The following NR3C2 variants were observed in gnomAD, a reference collection of about 807,000 sequenced individuals.
The protein encoded by NR3C2 is nuclear receptor subfamily 3 group C member 2.
A neutral mutation model predicts 86.4 loss-of-function variants in NR3C2; 15 were observed. That is an observed-to-expected ratio of 0.17 (90% CI 0.12 to 0.27). NR3C2 has a LOEUF of 0.27. Among genes scored for constraint, NR3C2 ranks in the 10% least tolerant of loss-of-function variants. The pLI is 1.00. For synonymous variants in NR3C2, 458 were observed against 450.5 expected (o/e 1.02, Z -0.21); for missense variants, 960 against 1,195.6 (o/e 0.80, Z 2.91).
chr4:148,088,224 G>A (rs1730904800), intron 8 of NR3C2, among the ~76,000 whole-genome samples: 1 of 152,182 alleles, frequency 6.6e-6, no homozygotes, highest in Non-Finnish European at 1.5e-5. Flanking sequence ...AACAGATGCT[G>A]GAAAGGATAT....
intron 4 of NR3C2, among the ~76,000 whole-genome samples, chr4:148,190,939 T>C (rs1156494042): frequency 1.3e-5 from 2 of 152,214 alleles, no homozygotes; most frequent in Non-Finnish European, 2.9e-5. Flanking sequence ...CGGTTCTGTA[T>C]CTTTTAAGTG....
intron 2 of NR3C2, among the ~76,000 whole-genome samples, chr4:148,288,829 C>T (rs1415445534): frequency 2.0e-5 from 3 of 152,114 alleles, no homozygotes; most frequent in Non-Finnish European, 4.4e-5. Context: ...TCTATTTTAT[C>T]AGTGTTATGC....
intron 2 of NR3C2, among the ~76,000 whole-genome samples, chr4:148,292,150 C>T (rs564459728): frequency 3.3e-5 from 5 of 151,338 alleles, no homozygotes; most frequent in Non-Finnish European, 7.4e-5. Flanking sequence ...AAAATACTTT[C>T]CTATTATGTC....
intron 5 of NR3C2, 75 bp downstream of exon 5, chr4:148,154,476 G>T: frequency 1.5e-6 from 2 of 1,348,712 alleles, no homozygotes; most frequent in Non-Finnish European, 2.1e-6. Context: ...CTCCTGCATG[G>T]TTGGAGATGG....
At chr4:148,172,387 C>T (rs932940410) in intron 4 of NR3C2, among the ~76,000 whole-genome samples, 5 of 152,102 alleles carry the variant, frequency 3.3e-5, no homozygotes, top group African/African-American at 1.2e-4. Context: ...ATAAGCCTTT[C>T]CTGCAGTATA....
At chr4:148,291,815 C>G (rs1201004505) in intron 2 of NR3C2, among the ~76,000 whole-genome samples, 2 of 152,120 alleles carry the variant, frequency 1.3e-5, no homozygotes, top group East Asian at 1.9e-4. Flanking sequence ...ACACTGTAAA[C>G]TGAAAGTGCA....
chr4:148,319,939 C>T (rs7678425), intron 2 of NR3C2, among the ~76,000 whole-genome samples: 8,642 of 144,298 alleles, frequency 0.06, 361 homozygotes, highest in African/African-American at 0.12. Flanking sequence ...TGAGAGAGGG[C>T]ATCCCTGTCT....
chr4:148,285,097 A>G (rs764425719), intron 2 of NR3C2, among the ~76,000 whole-genome samples: 3 of 152,204 alleles, frequency 2.0e-5, no homozygotes, highest in Non-Finnish European at 4.4e-5. Flanking sequence ...TGTGAGCTGC[A>G]GTTCTGAGGG....
chr4:148,258,770 T>C (rs994798139), intron 3 of NR3C2, among the ~76,000 whole-genome samples: 1 of 152,224 alleles, frequency 6.6e-6, no homozygotes, highest in Non-Finnish European at 1.5e-5. Context: ...CTTAAGACCA[T>C]GGCTTGCCTG....
intron 8 of NR3C2, among the ~76,000 whole-genome samples, chr4:148,097,121 G>C (rs1041302230): frequency 2.7e-4 from 41 of 152,232 alleles, no homozygotes; most frequent in African/African-American, 9.6e-4. Flanking sequence ...CTAGCCTTTA[G>C]GAAACGCCTT....
At chr4:148,403,564 T>G (rs1748271002) in intron 2 of NR3C2, among the ~76,000 whole-genome samples, 1 of 152,098 alleles carries the variant, frequency 6.6e-6, no homozygotes. Flanking sequence ...CTGAATATTT[T>G]TTACAGATTG....
intron 2 of NR3C2, among the ~76,000 whole-genome samples, chr4:148,317,279 C>A (rs6535600): frequency 0.29 from 43,325 of 151,030 alleles, 7,397 homozygotes; most frequent in East Asian, 0.54. Flanking sequence ...CACTTTAACC[C>A]GGGAGGTGGA....
intron 8 of NR3C2, among the ~76,000 whole-genome samples, chr4:148,082,754 A>G (rs994792748): frequency 9.2e-5 from 14 of 151,588 alleles, no homozygotes; most frequent in Admixed American, 4.6e-4. Context: ...GCCGAAGCCA[A>G]GGAGCCAAGC....
At chr4:148,144,743 G>C (rs948628532) in intron 6 of NR3C2, among the ~76,000 whole-genome samples, 1 of 152,150 alleles carries the variant, frequency 6.6e-6, no homozygotes, top group Non-Finnish European at 1.5e-5. Context: ...CTTCAGGTGG[G>C]AAGATGGCCT....
At chr4:148,164,040 T>C (rs1279860427) in intron 4 of NR3C2, among the ~76,000 whole-genome samples, 2 of 152,302 alleles carry the variant, frequency 1.3e-5, no homozygotes, top group South Asian at 2.1e-4. Context: ...ATCTATAAGG[T>C]CACCACTGGA....
At chr4:148,287,896 A>T (rs1741606424) in intron 2 of NR3C2, among the ~76,000 whole-genome samples, 1 of 152,344 alleles carries the variant, frequency 6.6e-6, no homozygotes, top group East Asian at 1.9e-4. Context: ...TAAAGTAGAT[A>T]GTAGATAATA....
At chr4:148,289,028 G>A (rs73855945) in intron 2 of NR3C2, among the ~76,000 whole-genome samples, 6,003 of 152,162 alleles carry the variant, frequency 0.039, 374 homozygotes, top group African/African-American at 0.13. Context: ...AAACTTATGA[G>A]ACATAAAGAC....
intron 4 of NR3C2, among the ~76,000 whole-genome samples, chr4:148,168,058 G>A (rs1478109683): frequency 2.0e-5 from 3 of 152,150 alleles, no homozygotes; most frequent in Non-Finnish European, 4.4e-5. Context: ...AGGAAACAGG[G>A]AGAAGCCAAA....
intron 3 of NR3C2, among the ~76,000 whole-genome samples, chr4:148,221,462 T>C (rs1306545289): frequency 6.6e-6 from 1 of 152,216 alleles, no homozygotes; most frequent in East Asian, 1.9e-4. Flanking sequence ...AGCACTAGAT[T>C]GAATAAACCT....
Sources: gnomAD v4.1 joint callset for allele counts (sites outside exome capture counted in the v4.1 genomes callset) on GRCh38, gnomAD v4.1.1 for gene constraint, MANE v1.5 for transcripts, NCBI Gene and HGNC (gene_info 2026-07-23, HGNC 2026-07-21) for gene names.